The following CAMK1D variants were observed in gnomAD, a reference collection of about 807,000 sequenced individuals.
CAMK1D encodes calcium/calmodulin dependent protein kinase ID, also known as calcium/calmodulin-dependent protein kinase type 1D.
Under a neutral mutation model 47.7 loss-of-function variants are expected in CAMK1D, and 9 were observed. The observed-to-expected ratio is 0.19, with a 90% CI of 0.11 to 0.33. The LOEUF (loss-of-function observed/expected upper bound fraction) is 0.33. CAMK1D is among the 10% of genes least tolerant of loss of function. CAMK1D has a pLI of 1.00. For synonymous variants in CAMK1D, 184 were observed against 184.9 expected, an observed-to-expected ratio of 0.99 and a Z score of 0.04; for missense variants, 291 against 488.7, an observed-to-expected ratio of 0.60 and a Z score of 3.81.
At chr10:12,589,294 G>A (rs770364365) in intron 2 of CAMK1D, among the ~76,000 whole-genome samples, 5 of 152,164 alleles carry the variant, frequency 3.3e-5, no homozygotes, top group Non-Finnish European at 7.4e-5. Context: ...GATTACAGGC[G>A]TGAGCCACTG....
At chr10:12,732,672 C>T (rs1834946338) in intron 3 of CAMK1D, among the ~76,000 whole-genome samples, 1 of 134,128 alleles carries the variant, frequency 7.5e-6, no homozygotes, top group Admixed American at 7.5e-5. Context: ...TTACCCCCGC[C>T]CCCCCCGCCC....
At chr10:12,610,854 T>C (rs1323313453) in intron 2 of CAMK1D, among the ~76,000 whole-genome samples, 1 of 152,208 alleles carries the variant, frequency 6.6e-6, no homozygotes, top group East Asian at 1.9e-4. Flanking sequence ...CTATTCAAGA[T>C]TATGTATGCA....
At chr10:12,639,194 G>T (rs531471218) in intron 2 of CAMK1D, among the ~76,000 whole-genome samples, 16 of 152,298 alleles carry the variant, frequency 1.1e-4, no homozygotes, top group African/African-American at 3.6e-4. Context: ...CTTTTAAAAA[G>T]ACCTAATCAG....
intron 1 of CAMK1D, among the ~76,000 whole-genome samples, chr10:12,479,665 G>A (rs575862658): frequency 6.6e-6 from 1 of 152,322 alleles, no homozygotes; most frequent in South Asian, 2.1e-4. Context: ...GGCCTTTAGA[G>A]TATGTACAGC....
chr10:12,435,221 CAAA>C (rs910066372), intron 1 of CAMK1D, among the ~76,000 whole-genome samples: 2 of 44,022 alleles, frequency 4.5e-5, no homozygotes, highest in Non-Finnish European at 8.2e-5. Context: ...AACTCTGTCT[CAAA>C]AAAAAAAAAA....
At chr10:12,824,370 G>A (rs1173896361) in intron 8 of CAMK1D, 95 bp from the exon 9 acceptor site, 15 of 1,061,912 alleles carry the variant, frequency 1.4e-5, no homozygotes, top group African/African-American at 1.1e-4. Context: ...ACTGAGCCTC[G>A]GCTCTCCTGA....
chr10:12,747,482 T>G (rs192322282), intron 3 of CAMK1D, among the ~76,000 whole-genome samples: 240 of 152,230 alleles, frequency 1.6e-3, no homozygotes, highest in Non-Finnish European at 2.4e-4. Context: ...ATTATTTTTA[T>G]TTTTTGAAGA....
intron 3 of CAMK1D, among the ~76,000 whole-genome samples, chr10:12,673,544 A>G (rs575796380): frequency 1.3e-5 from 2 of 152,080 alleles, no homozygotes; most frequent in African/African-American, 4.8e-5. Flanking sequence ...ATTTCTTACC[A>G]TTTTCTATCT....
At position 12,540,025 on chromosome 10, in the gene CAMK1D, C is replaced by A. The variant is rs12570430; in HGVS notation, c.93-13200C>A. On this transcript the variant is annotated intron_variant, in intron 1 of 10. Transcript: ENST00000619168. ...AACTCCTGGGCTCAGGCGATCCACT[C>A]ACCTCAGCCTCCCAAGTAAGTAGGA... Among the ~76,000 whole-genome samples the A allele has an allele frequency of 7.2e-3, 1,091 of 152,264 alleles. 27 individuals carry two copies. Among genetic ancestry groups the A allele is most frequent in the East Asian group, 0.045 (231 of 5,174 alleles).
At chr10:12,486,187 C>G (rs569183580) in intron 1 of CAMK1D, among the ~76,000 whole-genome samples, 1 of 147,396 alleles carries the variant, frequency 6.8e-6, no homozygotes, top group South Asian at 2.1e-4. Flanking sequence ...GAGACAGAGT[C>G]TCGCTCTGTC....
intron 2 of CAMK1D, among the ~76,000 whole-genome samples, chr10:12,571,135 C>T (rs1450951727): frequency 6.6e-6 from 1 of 152,028 alleles, no homozygotes; most frequent in Non-Finnish European, 1.5e-5. Flanking sequence ...ACAGCAGTAT[C>T]TCCTGGGAGT....
At chr10:12,588,140 G>A (rs535451039) in intron 2 of CAMK1D, among the ~76,000 whole-genome samples, 2 of 152,216 alleles carry the variant, frequency 1.3e-5, no homozygotes, top group African/African-American at 4.8e-5. Flanking sequence ...AATTGGCAGG[G>A]CATTTGGGGA....
intron 2 of CAMK1D, among the ~76,000 whole-genome samples, chr10:12,563,190 A>C (rs1031775665): frequency 2.6e-5 from 4 of 152,194 alleles, no homozygotes; most frequent in Admixed American, 2.6e-4. Context: ...TGGATGTCTT[A>C]GCTCCAGGAG....
chr10:12,555,572 T>C (rs570010316), intron 2 of CAMK1D, among the ~76,000 whole-genome samples: 4 of 152,342 alleles, frequency 2.6e-5, no homozygotes, highest in African/African-American at 9.6e-5. Flanking sequence ...GAAAACACGA[T>C]GTTAATGAGA....
In CAMK1D at chr10:12,372,702, C is replaced by T. The variant is rs145569339; in HGVS notation, c.92+22792C>T. On this transcript the variant is annotated intron_variant, in intron 1 of 10. Coordinates refer to ENST00000619168, the MANE Select transcript of CAMK1D (RefSeq NM_153498.4). ...TCACTGCAGCCTCGTGATCACGGCT[C>T]ACTGCAGCCTCGACTTCCTGGATTC... Among the ~76,000 whole-genome samples, 624 of 152,318 alleles carry T rather than the reference C, an allele frequency of 4.1e-3. 3 individuals are homozygous for T. The highest frequency in any genetic ancestry group is 0.02 in the Middle Eastern group (6 of 294).
chr10:12,766,005 G>T (rs1440830663), intron 4 of CAMK1D, among the ~76,000 whole-genome samples: 3 of 108,750 alleles, frequency 2.8e-5, no homozygotes, highest in South Asian at 3.0e-4. Context: ...CGCTCTTGTT[G>T]CCCAGACTGG....
chr10:12,781,674 C>T (rs1377848978), intron 5 of CAMK1D, among the ~76,000 whole-genome samples: 9 of 130,992 alleles, frequency 6.9e-5, no homozygotes, highest in South Asian at 2.4e-4. Flanking sequence ...TTTTTTGAAA[C>T]GGAGTCTTGC....
intron 3 of CAMK1D, among the ~76,000 whole-genome samples, chr10:12,711,703 C>T (rs909859391): frequency 8.5e-5 from 13 of 152,228 alleles, no homozygotes; most frequent in African/African-American, 2.2e-4. Flanking sequence ...GGCCCGGAGC[C>T]GGAGTCCTCA....
At chr10:12,758,024 G>C (rs897058896) in intron 3 of CAMK1D, among the ~76,000 whole-genome samples, 6 of 152,022 alleles carry the variant, frequency 3.9e-5, no homozygotes, top group Admixed American at 2.0e-4. Flanking sequence ...GCTAATTTTT[G>C]TATTTTTGTA....
Sources: allele counts gnomAD v4.1 joint callset (sites outside exome capture counted in the v4.1 genomes callset), GRCh38; gene constraint gnomAD v4.1.1; transcripts MANE v1.5; gene names NCBI Gene and HGNC (gene_info 2026-07-23, HGNC 2026-07-21).